The following ATF1 variants were observed in gnomAD, a reference collection of about 807,000 sequenced individuals.
ATF1 encodes cyclic AMP-dependent transcription factor ATF-1.
In ATF1, 16 loss-of-function variants were observed where a neutral mutation model predicts 34.7. The observed-to-expected ratio is 0.46, with a 90% CI of 0.31 to 0.70. The LOEUF (loss-of-function observed/expected upper bound fraction) is 0.70. Among genes scored for constraint, ATF1 ranks in the 30% least tolerant of loss-of-function variants. The pLI is 0.05. For missense variants in ATF1, 255 were observed against 321.6 expected, an observed-to-expected ratio of 0.79 and a Z score of 1.58; for synonymous variants, 105 against 113.1, an observed-to-expected ratio of 0.93 and a Z score of 0.46.
chr12:50,785,797 G>T (rs745607062), intron 2 of ATF1, among the ~76,000 whole-genome samples: 1 of 152,166 alleles, frequency 6.6e-6, no homozygotes, highest in African/African-American at 2.4e-5. Context: ...TCCCTGCCAC[G>T]TGATCCTCTC....
At chr12:50,783,682 A>C (rs1205006181) in intron 2 of ATF1, among the ~76,000 whole-genome samples, 2 of 152,016 alleles carry the variant, frequency 1.3e-5, no homozygotes, top group African/African-American at 4.8e-5. Context: ...AGCCTGGCCA[A>C]GATGGTGAAA....
At chr12:50,818,296 CAGCTACTTG>C (rs1452919586) in intron 6 of ATF1, among the ~76,000 whole-genome samples, 2 of 152,024 alleles carry the variant, frequency 1.3e-5, no homozygotes, top group Non-Finnish European at 2.9e-5. Flanking sequence ...CCTGTAGTCC[CAGCTACTTG>C]AGAGGCTGAA....
At chr12:50,777,936 CTT>C (rs71086478) in intron 1 of ATF1, among the ~76,000 whole-genome samples, 107,442 of 133,344 alleles carry the variant, frequency 0.81, 45,489 homozygotes, top group Non-Finnish European at 0.96. Context: ...AATTTACTAT[CTT>C]TTTTTTTTTT....
At chr12:50,785,327 A>ACT (rs1360121599) in intron 2 of ATF1, among the ~76,000 whole-genome samples, 1 of 133,506 alleles carries the variant, frequency 7.5e-6, no homozygotes, top group Non-Finnish European at 1.7e-5. Context: ...ACACACACAC[A>ACT]CACACACACA....
Position 50,814,365 on chromosome 12 carries a change from T to G in ATF1, c.597T>G (p.Pro199=). ...SLPQTVVMTS[P]VTLTSQTTKT... ...CACAAACTGTGGTGATGACATCTCCTGTGACTCTCACCTCTCAGACAACTA... is the reference window on the plus strand; with the variant it reads ...CACAAACTGTGGTGATGACATCTCCGGTGACTCTCACCTCTCAGACAACTA... Residue 199 remains proline (P), a synonymous_variant, in exon 6 of 7, where the codon CCT becomes CCG. Coordinates refer to ENST00000262053, the MANE Select transcript of ATF1 (RefSeq NM_005171.5). 1 of 1,614,146 alleles carries G rather than the reference T, an allele frequency of 6.2e-7. No individual in the cohort carries two copies. The highest frequency in any genetic ancestry group is 1.3e-5 in the African/African-American group (1 of 75,062).
At chr12:50,772,505 T>C (rs962071002) in intron 1 of ATF1, among the ~76,000 whole-genome samples, 3 of 152,166 alleles carry the variant, frequency 2.0e-5, no homozygotes, top group South Asian at 2.1e-4. Context: ...TTTGTAGTTT[T>C]AGTAGAGACC....
intron 2 of ATF1, among the ~76,000 whole-genome samples, chr12:50,791,065 C>A (rs1037699374): frequency 3.9e-5 from 6 of 152,020 alleles, no homozygotes; most frequent in African/African-American, 1.4e-4. Context: ...ACAACCTTGG[C>A]ATGACAAAAG....
At chr12:50,765,338 G>A (rs924104944) in intron 1 of ATF1, among the ~76,000 whole-genome samples, 2 of 152,128 alleles carry the variant, frequency 1.3e-5, no homozygotes, top group African/African-American at 4.8e-5. Flanking sequence ...GTCTTAATTA[G>A]AATCAATACT....
At chr12:50,772,101 C>T (rs993834612) in intron 1 of ATF1, among the ~76,000 whole-genome samples, 2 of 152,104 alleles carry the variant, frequency 1.3e-5, no homozygotes, top group Admixed American at 6.6e-5. Context: ...ATTTCTTGTG[C>T]GAGATCCAAG....
At chr12:50,779,640 A>T (rs180674005) in intron 1 of ATF1, among the ~76,000 whole-genome samples, 1 of 147,146 alleles carries the variant, frequency 6.8e-6, no homozygotes, top group Admixed American at 6.9e-5. Flanking sequence ...TTCTCTCCCT[A>T]TTTGCCGTAT....
chr12:50,806,152 G>C (rs1280238651), intron 3 of ATF1, among the ~76,000 whole-genome samples: 1 of 106,838 alleles, frequency 9.4e-6, no homozygotes, highest in Non-Finnish European at 2.1e-5. Flanking sequence ...CTGTCTCAAA[G>C]AAAAAAAAAA....
intron 1 of ATF1, among the ~76,000 whole-genome samples, chr12:50,766,806 C>T (rs896920415): frequency 3.8e-4 from 58 of 152,134 alleles, no homozygotes; most frequent in African/African-American, 1.4e-3. Context: ...CTTCCCCACC[C>T]TGCCACAGGC....
At chr12:50,794,956 A>C (rs549448002) in intron 2 of ATF1, among the ~76,000 whole-genome samples, 1 of 152,316 alleles carries the variant, frequency 6.6e-6, no homozygotes, top group Admixed American at 6.5e-5. Flanking sequence ...AAAAAAATTG[A>C]AAACAACTTG....
chr12:50,809,696 A>G (rs1941694706), intron 4 of ATF1, 107 bp downstream of exon 4: 1 of 1,223,154 alleles, frequency 8.2e-7, no homozygotes, highest in African/African-American at 1.5e-5. Context: ...GATGATTATT[A>G]AAGGATGTTT....
At chr12:50,808,317 G>GTT (rs879684264) in intron 3 of ATF1, among the ~76,000 whole-genome samples, 29 of 150,054 alleles carry the variant, frequency 1.9e-4, no homozygotes, top group Non-Finnish European at 3.0e-5. Context: ...CTGTTTTATT[G>GTT]TTTTTTTTTG....
At chr12:50,813,841 G>A (rs1488916485) in intron 4 of ATF1, among the ~76,000 whole-genome samples, 169 bp from the exon 5 acceptor site, 1 of 151,800 alleles carries the variant, frequency 6.6e-6, no homozygotes, top group Non-Finnish European at 1.5e-5. Flanking sequence ...AAGAAATGCT[G>A]TTTTATTCCT....
chr12:50,800,489 C>T (rs1023985030), intron 3 of ATF1, among the ~76,000 whole-genome samples: 3 of 152,132 alleles, frequency 2.0e-5, no homozygotes, highest in Admixed American at 1.3e-4. Flanking sequence ...AACCCCAGGC[C>T]GTGGATTGGT....
chr12:50,777,373 G>A (rs1228926943), intron 1 of ATF1, among the ~76,000 whole-genome samples: 1 of 152,048 alleles, frequency 6.6e-6, no homozygotes. Context: ...AGAAGAAAAA[G>A]ACTAGTGGTG....
intron 2 of ATF1, among the ~76,000 whole-genome samples, chr12:50,793,457 C>A (rs543124031): frequency 1.3e-5 from 2 of 152,108 alleles, no homozygotes; most frequent in African/African-American, 4.8e-5. Context: ...AACCCCATCT[C>A]TACTAAAAAA....
Sources: allele counts gnomAD v4.1 joint callset (sites outside exome capture counted in the v4.1 genomes callset), GRCh38; gene constraint gnomAD v4.1.1; transcripts MANE v1.5; gene names NCBI Gene and HGNC (gene_info 2026-07-23, HGNC 2026-07-21).